The following LHFPL2 variants were observed in gnomAD, a reference collection of about 807,000 sequenced individuals.
LHFPL2 encodes LHFPL tetraspan subfamily member 2 protein.
In LHFPL2, 7 loss-of-function variants were observed where a neutral mutation model predicts 17.5. The observed-to-expected ratio is 0.40, with a 90% CI of 0.23 to 0.75. The LOEUF is 0.75. Among genes scored for constraint, LHFPL2 ranks in the 30% least tolerant of loss-of-function variants. The probability of loss-of-function intolerance (pLI) is 0.37; values close to 1 mark genes in which losing one functional copy is unlikely to be tolerated. For missense variants in LHFPL2, 241 were observed against 294.8 expected, an observed-to-expected ratio of 0.82 and a Z score of 1.34; for synonymous variants, 134 against 116.2, an observed-to-expected ratio of 1.15 and a Z score of -0.99.
chr5:78,522,096 T>G (rs1458329139), intron 3 of LHFPL2, among the ~76,000 whole-genome samples: 2 of 152,198 alleles, frequency 1.3e-5, no homozygotes, highest in African/African-American at 4.8e-5. Context: ...CCAAAACTCA[T>G]GCTTCTTGAA....
At chr5:78,554,246 C>T (rs2112398438) in intron 3 of LHFPL2, among the ~76,000 whole-genome samples, 1 of 152,380 alleles carries the variant, frequency 6.6e-6, no homozygotes, top group African/African-American at 2.4e-5. Flanking sequence ...TTACAGCGAG[C>T]ACCCAGGACT....
At chr5:78,584,284 G>A (rs369393060) in intron 2 of LHFPL2, among the ~76,000 whole-genome samples, 19 of 152,266 alleles carry the variant, frequency 1.2e-4, no homozygotes, top group South Asian at 4.1e-4. Context: ...CTCTCAGCTC[G>A]TCAAAGTCAT....
intron 2 of LHFPL2, among the ~76,000 whole-genome samples, chr5:78,565,840 C>T (rs1422127133): frequency 6.6e-6 from 1 of 152,192 alleles, no homozygotes; most frequent in African/African-American, 2.4e-5. Flanking sequence ...TTCATCACCT[C>T]CCCTGATAGA....
rs79915813 is a variant in LHFPL2, at chr5:78,540,510, C to T, written c.-186+24303G>A. On this transcript the variant is annotated intron_variant, in intron 3 of 4. Transcript: ENST00000380345. ...CCTTTTTAGGAACCACCATAGCCTC[C>T]CATTCATGGCCTTCAGAACACATAG... 2.4e-3 allele frequency among the ~76,000 whole-genome samples: 367 copies of T among 152,330 alleles called. 2 individuals are homozygous for T. The highest frequency in any genetic ancestry group is 8.5e-3 in the African/African-American group (353 of 41,574).
At chr5:78,645,513 CATT>C (rs977068269) in intron 1 of LHFPL2, among the ~76,000 whole-genome samples, 14 of 150,184 alleles carry the variant, frequency 9.3e-5, no homozygotes, top group African/African-American at 3.2e-4. Context: ...GGAATTGCAT[CATT>C]AACCCCAAGA....
At chr5:78,507,644 G>A (rs1205699893) in intron 4 of LHFPL2, among the ~76,000 whole-genome samples, 3 of 152,156 alleles carry the variant, frequency 2.0e-5, no homozygotes, top group Admixed American at 2.0e-4. Context: ...TTGCTCGAAG[G>A]TAGTTAGATC....
intron 1 of LHFPL2, among the ~76,000 whole-genome samples, chr5:78,639,783 G>A (rs1343856910): frequency 6.6e-6 from 1 of 152,182 alleles, no homozygotes. Flanking sequence ...TATCCAGTCT[G>A]TTATTTTTAA....
At chr5:78,626,548 T>C (rs1198153049) in intron 2 of LHFPL2, 1 of 152,184 alleles carries the variant, frequency 6.6e-6, no homozygotes, top group African/African-American at 2.4e-5. Flanking sequence ...GGAGAACCCC[T>C]GGCTGGAGTC....
intron 2 of LHFPL2, among the ~76,000 whole-genome samples, chr5:78,591,758 C>G (rs1743634249): frequency 6.6e-6 from 1 of 152,168 alleles, no homozygotes; most frequent in Non-Finnish European, 1.5e-5. Flanking sequence ...GGAGGAGAAG[C>G]CAGGAGACCT....
At position 78,486,879 on chromosome 5, in the gene LHFPL2, A is replaced by T. The variant is rs1356167636; in HGVS notation, c.*2018T>A. On this transcript the variant is annotated 3_prime_UTR_variant, in exon 5 of 5. Coordinates refer to ENST00000380345, the MANE Select transcript of LHFPL2 (RefSeq NM_005779.3). ...TCAGAAAATGGTTTCTCTATCCAAG[A>T]AAGAAAGAAAAGTGAGTCTTCTGAT... 6.6e-6 allele frequency: 1 copy of T among 152,204 alleles called. No homozygotes were observed. The highest frequency in any genetic ancestry group is 1.5e-5 in the Non-Finnish European group (1 of 68,042). The allele number at this position is 152,204 out of a possible 1,614,324, so 9.4% of individuals were successfully genotyped here.
chr5:78,576,069 G>A (rs1757124711), intron 2 of LHFPL2, among the ~76,000 whole-genome samples: 1 of 152,176 alleles, frequency 6.6e-6, no homozygotes. Context: ...GCCGAGGCGG[G>A]TGGATCACGA....
rs572986047 is a variant in LHFPL2, at chr5:78,487,069, C to T, written c.*1828G>A. ...TTTCCTAGGCTGCTATGAAGATACC[C>T]GTTTTTTTCTTCACCAAAATCACAG... On this transcript the variant is annotated 3_prime_UTR_variant, in exon 5 of 5. Coordinates refer to ENST00000380345, the MANE Select transcript of LHFPL2 (RefSeq NM_005779.3). 10 of 152,190 alleles carry T rather than the reference C, an allele frequency of 6.6e-5. No homozygotes were observed. Among genetic ancestry groups the T allele is most frequent in the African/African-American group, 1.4e-4 (6 of 41,536 alleles). The allele number at this position is 152,190 out of a possible 1,614,324, so 9.4% of individuals were successfully genotyped here. A position where few individuals can be genotyped will look rare whatever the true frequency, so the allele number is the denominator to read the frequency against.
At chr5:78,574,129 T>C (rs1757069980) in intron 2 of LHFPL2, among the ~76,000 whole-genome samples, 1 of 152,238 alleles carries the variant, frequency 6.6e-6, no homozygotes, top group Non-Finnish European at 1.5e-5. Flanking sequence ...AAGCATTATT[T>C]ACATAATGTC....
chr5:78,626,561 G>T (rs1375862341), intron 2 of LHFPL2: 13 of 152,172 alleles, frequency 8.5e-5, no homozygotes. Flanking sequence ...CTGGAGTCTT[G>T]CCTTCTGGGA....
At chr5:78,575,083 G>A (rs1383762313) in intron 2 of LHFPL2, among the ~76,000 whole-genome samples, 1 of 152,166 alleles carries the variant, frequency 6.6e-6, no homozygotes, top group Non-Finnish European at 1.5e-5. Context: ...TCTTGCCAGT[G>A]GATTATAAAA....
chr5:78,557,640 G>A (rs952888683), intron 3 of LHFPL2, among the ~76,000 whole-genome samples: 2 of 152,202 alleles, frequency 1.3e-5, no homozygotes, highest in Admixed American at 6.5e-5. Context: ...AACAGGAAGT[G>A]TCCACCTCCT....
At chr5:78,602,610 C>T (rs62378394) in intron 2 of LHFPL2, among the ~76,000 whole-genome samples, 345 of 152,268 alleles carry the variant, frequency 2.3e-3, no homozygotes, top group Non-Finnish European at 3.7e-3. Context: ...AACATCAATT[C>T]GTATAGAAAT....
At chr5:78,557,556 A>G (rs1756611599) in intron 3 of LHFPL2, among the ~76,000 whole-genome samples, 1 of 152,238 alleles carries the variant, frequency 6.6e-6, no homozygotes, top group African/African-American at 2.4e-5. Context: ...GCTCTTTCAG[A>G]CCAGTCACAT....
intron 3 of LHFPL2, among the ~76,000 whole-genome samples, chr5:78,524,373 G>A (rs2112347369): frequency 6.6e-6 from 1 of 152,224 alleles, no homozygotes; most frequent in East Asian, 1.9e-4. Flanking sequence ...GGGAACCAAA[G>A]AAAAAATGTC....
Sources: gnomAD v4.1 joint callset for allele counts (sites outside exome capture counted in the v4.1 genomes callset) on GRCh38, gnomAD v4.1.1 for gene constraint, MANE v1.5 for transcripts, NCBI Gene and HGNC (gene_info 2026-07-23, HGNC 2026-07-21) for gene names.